The following STAU2 variants were observed in gnomAD, a reference collection of about 807,000 sequenced individuals.
STAU2 encodes the protein staufen double-stranded RNA binding protein 2, also known as double-stranded RNA-binding protein Staufen homolog 2.
In STAU2, 20 loss-of-function variants were observed where a neutral mutation model predicts 65.9. The ratio of observed to expected loss-of-function variants is 0.30; its 90% CI spans 0.21 to 0.44. The LOEUF (loss-of-function observed/expected upper bound fraction) is 0.44. STAU2 is among the 20% of genes least tolerant of loss of function. The pLI, the probability that STAU2 is intolerant of heterozygous loss-of-function variation, is 1.00. For synonymous variants in STAU2, 232 were observed against 233.9 expected (o/e 0.99, Z 0.07); for missense variants, 558 against 683.9 (o/e 0.82, Z 2.05).
chr8:73,607,143 A>G lies in STAU2; in HGVS notation c.892-3280T>C, dbSNP rs571145082. On this transcript the variant is annotated intron_variant, in intron 9 of 14. Coordinates refer to ENST00000524300, the MANE Select transcript of STAU2 (RefSeq NM_001164380.2). Reference sequence around the variant, plus strand: ...ACTTTAAACATGTACAAGTCACTCTATGTCAATTATACCTCAATAAAGTTG... The same window carrying G: ...ACTTTAAACATGTACAAGTCACTCTGTGTCAATTATACCTCAATAAAGTTG... 1.5e-4 allele frequency among the ~76,000 whole-genome samples: 23 copies of G among 152,344 alleles called. No individual in the cohort carries two copies. In the South Asian group the frequency reaches 3.9e-3, roughly 26 times the overall value.
At chr8:73,733,649 A>G (rs1356175733) in intron 3 of STAU2, among the ~76,000 whole-genome samples, 2 of 152,226 alleles carry the variant, frequency 1.3e-5, no homozygotes, top group African/African-American at 4.8e-5. Flanking sequence ...ATTTACAAAT[A>G]AAAAGAAATA....
intron 6 of STAU2, among the ~76,000 whole-genome samples, chr8:73,647,216 T>A (rs1815457982): frequency 2.0e-5 from 3 of 152,212 alleles, no homozygotes; most frequent in Non-Finnish European, 2.9e-5. Context: ...AACTGAGGTA[T>A]CACACTCCTG....
chr8:73,737,636 C>T (rs549142447), intron 3 of STAU2, among the ~76,000 whole-genome samples: 1 of 149,662 alleles, frequency 6.7e-6, no homozygotes, highest in African/African-American at 2.5e-5. Flanking sequence ...CTCCTGGGCT[C>T]AAGAGATCCT....
chr8:73,535,801 C>T (rs1806142370), intron 13 of STAU2, among the ~76,000 whole-genome samples: 1 of 152,140 alleles, frequency 6.6e-6, no homozygotes. Context: ...GTTACACAGG[C>T]AGTCAGTATA....
At position 73,530,107 on chromosome 8, in the gene STAU2, G is replaced by A. The variant is rs559352448; in HGVS notation, c.1530+21905C>T. 2.0e-5 allele frequency among the ~76,000 whole-genome samples: 3 copies of A among 152,272 alleles called. No individual in the cohort carries two copies. In the East Asian group the frequency reaches 5.8e-4, roughly 29 times the overall value. The stretch of plus-strand genomic sequence containing the variant: ...AGGCCAAAACCTAGATGAGAGTAGT[G>A]AGTTGGAAGGGAACTGGGTCCATGA... On this transcript the variant is annotated intron_variant, in intron 13 of 14. Coordinates refer to ENST00000524300, the MANE Select transcript of STAU2 (RefSeq NM_001164380.2).
chr8:73,560,075 A>ATTTT (rs35696339), intron 12 of STAU2, among the ~76,000 whole-genome samples: 2 of 83,484 alleles, frequency 2.4e-5, no homozygotes, highest in African/African-American at 4.8e-5. Flanking sequence ...TACTGAACAG[A>ATTTT]TTTTTTTTTT....
chr8:73,679,750 A>G (rs951002557), intron 5 of STAU2, among the ~76,000 whole-genome samples: 3 of 151,172 alleles, frequency 2.0e-5, no homozygotes, highest in Non-Finnish European at 4.4e-5. Flanking sequence ...TAGCTGGGCA[A>G]GGTGGTGCAC....
intron 13 of STAU2, among the ~76,000 whole-genome samples, chr8:73,535,007 A>C (rs997112281): frequency 6.6e-6 from 1 of 152,254 alleles, no homozygotes; most frequent in Non-Finnish European, 1.5e-5. Flanking sequence ...CTTATATTTG[A>C]TAATCAAAAT....
At chr8:73,529,149 A>ACAGT (rs1805636986) in intron 13 of STAU2, among the ~76,000 whole-genome samples, 1 of 152,178 alleles carries the variant, frequency 6.6e-6, no homozygotes, top group Non-Finnish European at 1.5e-5. Flanking sequence ...AGGTTTGACA[A>ACAGT]CAGTTCTAAT....
chr8:73,567,119 A>G (rs1404007461), intron 12 of STAU2, among the ~76,000 whole-genome samples: 2 of 152,202 alleles, frequency 1.3e-5, no homozygotes, highest in African/African-American at 4.8e-5. Context: ...GATCATTAAT[A>G]CAGTGGGGAA....
At chr8:73,704,352 T>C (rs73332820) in intron 4 of STAU2, among the ~76,000 whole-genome samples, 1 of 152,280 alleles carries the variant, frequency 6.6e-6, no homozygotes, top group African/African-American at 2.4e-5. Context: ...TAATACATGA[T>C]CCTTGTTTGG....
At chr8:73,607,664 G>A (rs1455635848) in intron 9 of STAU2, among the ~76,000 whole-genome samples, 1 of 150,950 alleles carries the variant, frequency 6.6e-6, no homozygotes, top group African/African-American at 2.4e-5. Flanking sequence ...TTTAACCTGG[G>A]AGGAGGAGGT....
chr8:73,585,178 T>C (rs926943238), intron 11 of STAU2, among the ~76,000 whole-genome samples: 7 of 152,248 alleles, frequency 4.6e-5, no homozygotes, highest in Admixed American at 3.3e-4. Context: ...TTACCTTATG[T>C]TACCTCAATA....
rs556667407 is a variant in STAU2, at chr8:73,564,862, T to C, written c.1223-12543A>G. Among the ~76,000 whole-genome samples, 27 of 152,274 alleles carry C rather than the reference T, an allele frequency of 1.8e-4. No individual in the cohort carries two copies. The South Asian group carries it at 4.4e-3, about 25-fold the overall frequency. The stretch of plus-strand genomic sequence containing the variant: ...AGTTTCATCCCACATTTAAAAGATA[T>C]GCATATTAGGTTCACTGGCAGGTCT... On this transcript the variant is annotated intron_variant, in intron 12 of 14. Coordinates refer to ENST00000524300, the MANE Select transcript of STAU2 (RefSeq NM_001164380.2).
chr8:73,652,078 T>A lies in STAU2; in HGVS notation c.410+21029A>T, dbSNP rs564510098. ...CAGCATATGATAAAAGGGTAATTTG[T>A]TTTTTAAAAAGTGTTGGAAAAACTG... On this transcript the variant is annotated intron_variant, in intron 6 of 14. Coordinates refer to ENST00000524300, the MANE Select transcript of STAU2 (RefSeq NM_001164380.2). Among the ~76,000 whole-genome samples, 6 of 152,262 alleles carry A rather than the reference T, an allele frequency of 3.9e-5. No homozygotes were observed. In the East Asian group the frequency reaches 1.2e-3, roughly 29 times the overall value.
At chr8:73,717,340 CCTAA>C (rs141399580) in intron 3 of STAU2, among the ~76,000 whole-genome samples, 30,743 of 151,808 alleles carry the variant, frequency 0.2, 3,460 homozygotes, top group East Asian at 0.37. Context: ...AAAATTATTA[CCTAA>C]CTGAGGTCTA....
chr8:73,546,511 A>G (rs1806949819), intron 13 of STAU2, among the ~76,000 whole-genome samples: 1 of 152,210 alleles, frequency 6.6e-6, no homozygotes, highest in South Asian at 2.1e-4. Flanking sequence ...TGTAATGCCT[A>G]CTTCACTATG....
At chr8:73,452,688 T>C (rs1487808964) in intron 13 of STAU2, among the ~76,000 whole-genome samples, 1 of 152,220 alleles carries the variant, frequency 6.6e-6, no homozygotes, top group East Asian at 1.9e-4. Flanking sequence ...CATCCTGAGA[T>C]AAAAGCCAAA....
chr8:73,618,606 G>C (rs1055987693), intron 6 of STAU2, among the ~76,000 whole-genome samples: 1 of 152,208 alleles, frequency 6.6e-6, no homozygotes, highest in Non-Finnish European at 1.5e-5. Flanking sequence ...CCAGCCACTG[G>C]AAGGTTCTGC....
Sources: gnomAD v4.1 joint callset for allele counts (sites outside exome capture counted in the v4.1 genomes callset) on GRCh38, gnomAD v4.1.1 for gene constraint, MANE v1.5 for transcripts, NCBI Gene and HGNC (gene_info 2026-07-23, HGNC 2026-07-21) for gene names.